The following ABTB3 variants were observed in gnomAD, a reference collection of about 807,000 sequenced individuals.
ABTB3 encodes the protein ankyrin repeat- and BTB/POZ domain-containing protein 3.
chr12:107,439,735 T>C, the ABTB3 span, among the ~76,000 whole-genome samples: 1 of 152,218 alleles, frequency 6.6e-6, no homozygotes, highest in African/African-American at 2.4e-5. Context: ...TACATCTCAA[T>C]GAGTTTGGGG....
At chr12:107,515,198 TTTGCTCAGGCCTCCAAGTCCCAG>T in the ABTB3 span, among the ~76,000 whole-genome samples, 88 of 152,168 alleles carry the variant, frequency 5.8e-4, no homozygotes, top group Non-Finnish European at 1.0e-3. Flanking sequence ...CCAAGTCCCA[TTTGCTCAGGCCTCCAAGTCCCAG>T]TTGCTCAATA....
the ABTB3 span, among the ~76,000 whole-genome samples, chr12:107,393,726 C>A: frequency 3.9e-5 from 6 of 152,058 alleles, no homozygotes; most frequent in Non-Finnish European, 7.4e-5. Flanking sequence ...GTCAGGAGAT[C>A]GAGACCATCC....
the ABTB3 span, among the ~76,000 whole-genome samples, chr12:107,529,456 GA>G: frequency 6.6e-6 from 1 of 152,290 alleles, no homozygotes; most frequent in African/African-American, 2.4e-5. Flanking sequence ...TGATGATGGT[GA>G]TGGGGATGGT....
the ABTB3 span, among the ~76,000 whole-genome samples, chr12:107,358,673 C>T: frequency 6.6e-6 from 1 of 152,144 alleles, no homozygotes; most frequent in Non-Finnish European, 1.5e-5. Context: ...TGGCTCACCA[C>T]AACCTCCGCC....
At chr12:107,442,568 T>C in the ABTB3 span, among the ~76,000 whole-genome samples, 1 of 152,176 alleles carries the variant, frequency 6.6e-6, no homozygotes, top group Admixed American at 6.5e-5. Context: ...GTAAAGAGGC[T>C]TGTGGGGCTC....
At chr12:107,621,965 G>C in the ABTB3 span, among the ~76,000 whole-genome samples, 2 of 152,216 alleles carry the variant, frequency 1.3e-5, no homozygotes, top group Non-Finnish European at 2.9e-5. Context: ...GGCTGACTGG[G>C]TATGGTGGCT....
chr12:107,532,737 T>C, the ABTB3 span, among the ~76,000 whole-genome samples: 7 of 152,106 alleles, frequency 4.6e-5, no homozygotes, highest in Non-Finnish European at 7.4e-5. Flanking sequence ...AACTGTCAAA[T>C]GTCAAAGACA....
At chr12:107,606,285 A>G in the ABTB3 span, among the ~76,000 whole-genome samples, 1 of 152,242 alleles carries the variant, frequency 6.6e-6, no homozygotes, top group Non-Finnish European at 1.5e-5. Context: ...GAAAGAGCTT[A>G]CATTTCAATA....
At chr12:107,413,199 G>A in the ABTB3 span, among the ~76,000 whole-genome samples, 39 of 152,182 alleles carry the variant, frequency 2.6e-4, 1 homozygote, top group South Asian at 7.9e-3. Flanking sequence ...GCGTGAACCC[G>A]GGAGGCGGAG....
the ABTB3 span, among the ~76,000 whole-genome samples, chr12:107,331,208 C>T: frequency 5.9e-5 from 9 of 152,236 alleles, no homozygotes; most frequent in Non-Finnish European, 1.0e-4. Context: ...GCCTTTTTCT[C>T]TCTCTGACTC....
the ABTB3 span, among the ~76,000 whole-genome samples, chr12:107,478,684 T>C: frequency 0.26 from 38,938 of 152,012 alleles, 5,643 homozygotes; most frequent in African/African-American, 0.4. Context: ...GCCACCCTCA[T>C]TTTAATATAC....
the ABTB3 span, among the ~76,000 whole-genome samples, chr12:107,477,462 T>C: frequency 3.3e-5 from 5 of 152,190 alleles, no homozygotes; most frequent in Admixed American, 1.3e-4. Flanking sequence ...AATCTATCAG[T>C]ATTGATGGGC....
the ABTB3 span, among the ~76,000 whole-genome samples, chr12:107,539,535 G>A: frequency 6.6e-6 from 1 of 152,292 alleles, no homozygotes; most frequent in East Asian, 1.9e-4. Flanking sequence ...CCAGGAATGA[G>A]CAGCTTTGCA....
chr12:107,452,905 C>T, the ABTB3 span, among the ~76,000 whole-genome samples: 1 of 152,146 alleles, frequency 6.6e-6, no homozygotes. Context: ...AAAACAATTA[C>T]AAGTTGTAAC....
At chr12:107,625,949 G>C in the ABTB3 span, among the ~76,000 whole-genome samples, 1 of 152,170 alleles carries the variant, frequency 6.6e-6, no homozygotes, top group Non-Finnish European at 1.5e-5. Flanking sequence ...TGTTCGGCTG[G>C]AGTAGAGCAG....
chr12:107,427,700 G>A, the ABTB3 span, among the ~76,000 whole-genome samples: 1 of 152,062 alleles, frequency 6.6e-6, no homozygotes, highest in Non-Finnish European at 1.5e-5. Flanking sequence ...TTCATCATTG[G>A]GGTGCCATTA....
chr12:107,608,534 C>T, the ABTB3 span, among the ~76,000 whole-genome samples: 4 of 152,152 alleles, frequency 2.6e-5, no homozygotes, highest in African/African-American at 9.7e-5. Flanking sequence ...CTCATACTGG[C>T]CCTGCTCAAA....
the ABTB3 span, among the ~76,000 whole-genome samples, chr12:107,559,611 C>A: frequency 6.6e-6 from 1 of 152,154 alleles, no homozygotes; most frequent in African/African-American, 2.4e-5. Flanking sequence ...GCTGCCAGCA[C>A]GCAGCTGGTT....
chr12:107,331,335 C>T, the ABTB3 span, among the ~76,000 whole-genome samples: 2 of 152,274 alleles, frequency 1.3e-5, no homozygotes, highest in Non-Finnish European at 2.9e-5. Context: ...AGGCTTGAGG[C>T]GGGTTTAGTT....
Sources: gnomAD v4.1 joint callset for allele counts (sites outside exome capture counted in the v4.1 genomes callset) on GRCh38, gnomAD v4.1.1 for gene constraint, MANE v1.5 for transcripts, NCBI Gene and HGNC (gene_info 2026-07-23, HGNC 2026-07-21) for gene names.